The following ZNF385B variants were observed in gnomAD, a reference collection of about 807,000 sequenced individuals.
ZNF385B encodes zinc finger protein 533.
A neutral mutation model predicts 39.2 loss-of-function variants in ZNF385B; 23 were observed. The observed-to-expected ratio is 0.59, with a 90% confidence interval of 0.42 to 0.83. ZNF385B has a LOEUF of 0.83. Among genes scored for constraint, ZNF385B ranks in the 40% least tolerant of loss-of-function variants. ZNF385B has a pLI of 0.00. For synonymous variants in ZNF385B, 205 were observed against 222.6 expected (o/e 0.92, Z 0.70); for missense variants, 552 against 598.9 (o/e 0.92, Z 0.82).
chr2:179,630,560 G>A (rs1179829376), intron 3 of ZNF385B, among the ~76,000 whole-genome samples: 2 of 152,232 alleles, frequency 1.3e-5, no homozygotes, highest in Non-Finnish European at 2.9e-5. Context: ...CACAAAGATG[G>A]GGAGAAACCA....
intron 4 of ZNF385B, chr2:179,522,981 A>T (rs1445686986): frequency 5.3e-6 from 2 of 377,768 alleles, no homozygotes; most frequent in African/African-American, 4.4e-5. Flanking sequence ...GCACAATTAC[A>T]TGAAAATTTA....
chr2:179,629,211 T>C (rs369822724), intron 3 of ZNF385B, among the ~76,000 whole-genome samples: 2 of 152,142 alleles, frequency 1.3e-5, no homozygotes, highest in African/African-American at 4.8e-5. Flanking sequence ...TGAAACTGAT[T>C]ATGTCTAGGA....
intron 3 of ZNF385B, among the ~76,000 whole-genome samples, chr2:179,623,286 C>T (rs1452122818): frequency 6.6e-6 from 1 of 150,650 alleles, no homozygotes; most frequent in Non-Finnish European, 1.5e-5. Flanking sequence ...TTTTTTTTAA[C>T]CTGGATTCCC....
chr2:179,514,128 CA>C (rs2057906456), intron 5 of ZNF385B: 1 of 152,244 alleles, frequency 6.6e-6, no homozygotes, highest in African/African-American at 2.4e-5. Context: ...ACTGGGCTAA[CA>C]TCGAGGTGTC....
chr2:179,790,193 T>C (rs1430588398), intron 1 of ZNF385B, among the ~76,000 whole-genome samples: 1 of 152,192 alleles, frequency 6.6e-6, no homozygotes, highest in Non-Finnish European at 1.5e-5. Flanking sequence ...TGAAACAAAA[T>C]TGAAAAGAGG....
At chr2:179,688,513 AC>A (rs1698102847) in intron 3 of ZNF385B, among the ~76,000 whole-genome samples, 1 of 151,478 alleles carries the variant, frequency 6.6e-6, no homozygotes, top group African/African-American at 2.4e-5. Context: ...AACAACAACA[AC>A]AACAAAAACA....
At chr2:179,496,847 G>A (rs1020255529) in intron 5 of ZNF385B, among the ~76,000 whole-genome samples, 5 of 152,188 alleles carry the variant, frequency 3.3e-5, no homozygotes, top group Admixed American at 6.5e-5. Context: ...CCAGGTGTTC[G>A]AGACCAGCCT....
rs148398218 is a variant in ZNF385B, at chr2:179,468,183, G to C, written c.715+15089C>G. On this transcript the variant is annotated intron_variant, in intron 6 of 9. Transcript: ENST00000410066. ...ATCTCCAACTATCTCCATGTTGAAA[G>C]CTGGCAGCCTACCTTCTGTATCAGT... Among the ~76,000 whole-genome samples the C allele has an allele frequency of 3.6e-3, 551 of 152,342 alleles. 3 individuals carry two copies. Among genetic ancestry groups the C allele is most frequent in the African/African-American group, 0.013 (537 of 41,580 alleles).
At chr2:179,723,695 G>A (rs1284352858) in intron 3 of ZNF385B, among the ~76,000 whole-genome samples, 1 of 152,118 alleles carries the variant, frequency 6.6e-6, no homozygotes, top group Non-Finnish European at 1.5e-5. Context: ...GGGAACTAAG[G>A]AAGAAGCAAG....
At chr2:179,653,818 A>G (rs1693448387) in intron 3 of ZNF385B, among the ~76,000 whole-genome samples, 2 of 152,176 alleles carry the variant, frequency 1.3e-5, no homozygotes, top group African/African-American at 4.8e-5. Flanking sequence ...TACCCCAGCT[A>G]GCGAACAAAC....
chr2:179,841,556 T>C lies in ZNF385B; in HGVS notation c.-155+19545A>G, dbSNP rs542949995. On this transcript the variant is annotated intron_variant, in intron 1 of 9. Transcript: ENST00000410066. ...AATCTCAGCACTATTGATATTTTGG[T>C]CTGGATAATTTTTTGCTGTGGGATC... Among the ~76,000 whole-genome samples the C allele has an allele frequency of 2.6e-5, 4 of 152,366 alleles. No individual in the cohort carries two copies. The East Asian group carries it at 7.7e-4, about 29-fold the overall frequency.
chr2:179,841,783 TGAG>T (rs1708547766), intron 1 of ZNF385B, among the ~76,000 whole-genome samples: 1 of 152,180 alleles, frequency 6.6e-6, no homozygotes, highest in Non-Finnish European at 1.5e-5. Flanking sequence ...GCACAGGTCA[TGAG>T]TAGTAGAAAG....
chr2:179,830,128 G>C (rs1346747216), intron 1 of ZNF385B, among the ~76,000 whole-genome samples: 4 of 152,170 alleles, frequency 2.6e-5, no homozygotes, highest in Non-Finnish European at 4.4e-5. Flanking sequence ...TCATGTCACT[G>C]GGGAGATGCA....
intron 3 of ZNF385B, among the ~76,000 whole-genome samples, chr2:179,633,906 C>A (rs1040074799): frequency 3.3e-5 from 5 of 152,106 alleles, no homozygotes; most frequent in Non-Finnish European, 7.4e-5. Flanking sequence ...TAATACCACA[C>A]ATCTACAACC....
chr2:179,448,311 C>G (rs1027331695), intron 6 of ZNF385B, among the ~76,000 whole-genome samples: 1 of 152,040 alleles, frequency 6.6e-6, no homozygotes, highest in Non-Finnish European at 1.5e-5. Context: ...AAGGATCCCT[C>G]AGATTGAATT....
chr2:179,554,135 T>G lies in ZNF385B; in HGVS notation c.299-9166A>C, dbSNP rs1312265416. 1.0e-4 allele frequency among the ~76,000 whole-genome samples: 15 copies of G among 149,348 alleles called. 1 individual carries two copies. Among genetic ancestry groups the G allele is most frequent in the African/African-American group, 3.8e-4 (15 of 39,648 alleles). On this transcript the variant is annotated intron_variant, in intron 3 of 9. Coordinates refer to ENST00000410066, the MANE Select transcript of ZNF385B (RefSeq NM_152520.6). ...CAACCTGTGCCTGATACATAGCCAG[T>G]ATTGTATAAGCTTCAGTTACTGTGG...
intron 1 of ZNF385B, among the ~76,000 whole-genome samples, chr2:179,779,715 A>C (rs560106655): frequency 6.6e-6 from 1 of 152,286 alleles, no homozygotes; most frequent in East Asian, 1.9e-4. Flanking sequence ...CTGGTGGATT[A>C]GCTGGGCCTG....
chr2:179,463,301 T>C (rs923598002), intron 6 of ZNF385B, among the ~76,000 whole-genome samples: 2 of 152,100 alleles, frequency 1.3e-5, no homozygotes, highest in African/African-American at 4.8e-5. Flanking sequence ...GCACCCATTT[T>C]CTTCACATCT....
At chr2:179,822,626 A>G (rs1209501915) in intron 1 of ZNF385B, among the ~76,000 whole-genome samples, 2 of 152,170 alleles carry the variant, frequency 1.3e-5, no homozygotes, top group Non-Finnish European at 2.9e-5. Context: ...AGACTTTTGA[A>G]TTTTAATTTG....
Sources: allele counts gnomAD v4.1 joint callset (sites outside exome capture counted in the v4.1 genomes callset), GRCh38; gene constraint gnomAD v4.1.1; transcripts MANE v1.5; gene names NCBI Gene and HGNC (gene_info 2026-07-23, HGNC 2026-07-21).